ZW10: variants seen among roughly 807,000 people sequenced by gnomAD.
ZW10 encodes the protein zw10 kinetochore protein.
A neutral mutation model predicts 87.8 loss-of-function variants in ZW10; 53 were observed. The observed-to-expected ratio is 0.60, with a 90% CI of 0.48 to 0.76. The LOEUF (loss-of-function observed/expected upper bound fraction) is 0.76. Ranked by LOEUF, ZW10 falls within the 30% of genes least tolerant of loss-of-function variation. The probability of loss-of-function intolerance (pLI) is 0.00; values close to 1 mark genes in which losing one functional copy is unlikely to be tolerated. For missense variants in ZW10, 837 were observed against 923.0 expected (o/e 0.91, Z 1.21); for synonymous variants, 312 against 329.2 (o/e 0.95, Z 0.57).
intron 2 of ZW10, among the ~76,000 whole-genome samples, chr11:113,765,115 G>C (rs546327013): frequency 1.6e-4 from 25 of 152,286 alleles, no homozygotes; most frequent in Admixed American, 1.2e-3. Context: ...GTACAGGACA[G>C]ACCTCTACAA....
Position 113,773,604 on chromosome 11 carries a change from C to A in ZW10, c.63G>T (p.Gly21=). 1.2e-6 allele frequency: 2 copies of A among 1,614,004 alleles called. No individual in the cohort carries two copies. Among genetic ancestry groups the A allele is most frequent in the Non-Finnish European group, 1.7e-6 (2 of 1,180,000 alleles). The change falls in exon 1 of 16, where the codon GGG becomes GGT. Residue 21 remains glycine (G), a synonymous_variant. Coordinates refer to ENST00000200135, the MANE Select transcript of ZW10 (RefSeq NM_004724.4). ...HSGRLEKEDL[G]TRISRLTRRV... ...GCCGGGTCAGGCGGCTGATCCGGGT[C>A]CCCAGATCCTCCTTTTCCAGCCTCC...
At chr11:113,747,354 A>G (rs990840577) in intron 9 of ZW10, among the ~76,000 whole-genome samples, 177 bp downstream of exon 9, 5 of 152,190 alleles carry the variant, frequency 3.3e-5, no homozygotes, top group South Asian at 4.1e-4. Flanking sequence ...ACAATACCCA[A>G]TGGAAGAGGT....
chr11:113,743,926 G>C lies in ZW10; in HGVS notation c.1387C>G (p.Pro463Ala), dbSNP rs770642683. The C allele has an allele frequency of 6.2e-7, 1 of 1,614,136 alleles. No individual in the cohort carries two copies. Among genetic ancestry groups the C allele is most frequent in the South Asian group, 1.1e-5 (1 of 91,086 alleles). The change falls in exon 10 of 16, where the codon CCT becomes GCT. Residue 463 changes from proline (P) to alanine (A), a missense_variant. Physicochemically the swap from Pro to Ala is conservative, Grantham distance 27. Coordinates refer to ENST00000200135, the MANE Select transcript of ZW10 (RefSeq NM_004724.4). Reference protein sequence around the residue: ...TQYHEVMNLEPENTLDQHSFS... With the variant: ...TQYHEVMNLEAENTLDQHSFS... ...GAATGTTGGTCCAATGTATTTTCAG[G>C]CTCTAAATTCATCACTTCGTGGTAC...
At chr11:113,765,714 A>G (rs1367329621) in intron 2 of ZW10, among the ~76,000 whole-genome samples, 1 of 152,224 alleles carries the variant, frequency 6.6e-6, no homozygotes, top group Non-Finnish European at 1.5e-5. Context: ...CTGCTGCTCT[A>G]CAGACTTTTG....
intron 7 of ZW10, among the ~76,000 whole-genome samples, chr11:113,755,136 A>AT (rs1273617410): frequency 1.3e-5 from 2 of 152,240 alleles, no homozygotes; most frequent in African/African-American, 2.4e-5. Flanking sequence ...TCAAGGAGTG[A>AT]TTTTGACTTT....
At chr11:113,754,501 C>A (rs1953763212) in intron 7 of ZW10, among the ~76,000 whole-genome samples, 1 of 151,910 alleles carries the variant, frequency 6.6e-6, no homozygotes, top group African/African-American at 2.4e-5. Flanking sequence ...ATTCCCAGGA[C>A]CCTTAAGGAT....
intron 6 of ZW10, 31 bp from the exon 7 acceptor site, chr11:113,757,884 A>C (rs768330962): frequency 1.3e-6 from 2 of 1,555,330 alleles, no homozygotes; most frequent in South Asian, 2.4e-5. Flanking sequence ...TCATCAAAAA[A>C]TCACCATAAG....
At chr11:113,739,971 T>C (rs1013221560) in intron 11 of ZW10, among the ~76,000 whole-genome samples, 3 of 152,216 alleles carry the variant, frequency 2.0e-5, no homozygotes, top group Non-Finnish European at 4.4e-5. Flanking sequence ...AAATCACTAC[T>C]TTAATTCTTC....
rs1448539932 is a variant in ZW10, at chr11:113,738,341, T to C, written c.1807A>G (p.Arg603Gly). The C allele has an allele frequency of 1.9e-6, 3 of 1,613,484 alleles. No individual in the cohort carries two copies. The Admixed American group carries it at 5.0e-5, about 27-fold the overall frequency. Residue 603 changes from arginine to glycine, a missense_variant, in exon 13 of 16, where the codon AGA becomes GGA. Transcript: ENST00000200135. Reference protein sequence around the residue: ...MRAQKGELLERLSSARNFSNM... With the variant: ...MRAQKGELLEGLSSARNFSNM... ...GAAAAGTTCCTAGCACTTGATAATC[T>C]TTCCAGAAGTTCACCTTTCTGTGCC...
intron 5 of ZW10, among the ~76,000 whole-genome samples, chr11:113,759,003 G>A (rs1453522234): frequency 1.3e-5 from 2 of 152,170 alleles, no homozygotes; most frequent in African/African-American, 4.8e-5. Flanking sequence ...GTGAGACGCT[G>A]TCTCTAACAA....
At chr11:113,750,275 C>T (rs1489016291) in intron 7 of ZW10, among the ~76,000 whole-genome samples, 1 of 151,836 alleles carries the variant, frequency 6.6e-6, no homozygotes, top group African/African-American at 2.4e-5. Flanking sequence ...ACAAAAAAAG[C>T]TGCTTGCTTG....
rs200000547 is a variant in ZW10, at chr11:113,743,989, C to A, written c.1324G>T (p.Asp442Tyr). The change falls in exon 10 of 16, where the codon GAT becomes TAT. Residue 442 changes from aspartate to tyrosine, a missense_variant. Asp to Tyr is a radical substitution (Grantham distance 160). Transcript: ENST00000200135. ...ACTTTCTGTACTTCCAGTTTGTTAT[C>A]CTCATCAGGAGTGGGTAACTCTGGC... is the stretch of plus-strand genomic sequence containing the variant. The part of the protein sequence containing the change: ...NVPELPTPDE[D>Y]NKLEVQKVSN... 2.2e-4 allele frequency: 350 copies of A among 1,614,062 alleles called. 2 individuals are homozygous for A. The highest frequency in any genetic ancestry group is 2.1e-3 in the Middle Eastern group (13 of 6,084).
intron 2 of ZW10, among the ~76,000 whole-genome samples, chr11:113,768,594 A>T (rs1025386613): frequency 3.3e-5 from 5 of 152,212 alleles, no homozygotes; most frequent in African/African-American, 1.2e-4. Context: ...CTGGGATTAC[A>T]GGCATGATGC....
At chr11:113,764,351 T>C (rs546778037) in intron 2 of ZW10, among the ~76,000 whole-genome samples, 14 of 152,344 alleles carry the variant, frequency 9.2e-5, no homozygotes, top group African/African-American at 3.1e-4. Flanking sequence ...TGGGTCTTCT[T>C]TGATTCCATA....
Position 113,758,559 on chromosome 11 carries a change from G to A in ZW10, c.728C>T (p.Ser243Leu), listed in dbSNP as rs761522848. The A allele has an allele frequency of 1.2e-6, 2 of 1,613,716 alleles. No individual in the cohort carries two copies. Among genetic ancestry groups the A allele is most frequent in the South Asian group, 1.1e-5 (1 of 90,946 alleles). ...VLGELHSKLK[S>L]FGQMLLKYIL... Reference sequence around the variant, plus strand: ...AACAAAGTAGCATGCCTTACCAAATGATTTAAGCTTGCTGTGTAGTTCTCC... The same window carrying A: ...AACAAAGTAGCATGCCTTACCAAATAATTTAAGCTTGCTGTGTAGTTCTCC... The change falls in exon 6 of 16, where the codon TCA becomes TTA. Residue 243 changes from serine to leucine, a missense_variant. By Grantham distance (145) the Ser-to-Leu change is moderately radical. Transcript: ENST00000200135.
chr11:113,754,254 G>A (rs1953760677), intron 7 of ZW10, among the ~76,000 whole-genome samples: 1 of 152,168 alleles, frequency 6.6e-6, no homozygotes, highest in Admixed American at 6.5e-5. Context: ...GGAGGCCAAG[G>A]CAGGTGGACT....
chr11:113,750,556 G>T (rs921631225), intron 7 of ZW10, among the ~76,000 whole-genome samples: 1 of 152,090 alleles, frequency 6.6e-6, no homozygotes, highest in Non-Finnish European at 1.5e-5. Context: ...CACCTGCCTT[G>T]GCCTCCCAAA....
At chr11:113,734,587 A>G (rs1235662606) in intron 15 of ZW10, among the ~76,000 whole-genome samples, 1 of 152,086 alleles carries the variant, frequency 6.6e-6, no homozygotes, top group African/African-American at 2.4e-5. Flanking sequence ...GGCAGATCAC[A>G]TGAGGTCAGG....
At chr11:113,744,337 A>G (rs1242693667) in intron 9 of ZW10, among the ~76,000 whole-genome samples, 1 of 152,068 alleles carries the variant, frequency 6.6e-6, no homozygotes, top group African/African-American at 2.4e-5. Context: ...CAGTGAGCGG[A>G]GCTTGTAGTG....
Sources: allele counts gnomAD v4.1 joint callset (sites outside exome capture counted in the v4.1 genomes callset), GRCh38; gene constraint gnomAD v4.1.1; transcripts MANE v1.5; gene names NCBI Gene and HGNC (gene_info 2026-07-23, HGNC 2026-07-21).